EPHX2: variants seen among roughly 807,000 people sequenced by gnomAD.
EPHX2 encodes the protein epoxide hydrolase 2.
EPHX2 carries 74 observed loss-of-function variants against 78.7 expected under a neutral mutation model. The ratio of observed to expected loss-of-function variants is 0.94; its 90% confidence interval spans 0.78 to 1.14. EPHX2 has a LOEUF of 1.14. Ranked by LOEUF, EPHX2 falls within the 50% of genes most tolerant of loss-of-function variation. The pLI is 0.00. For synonymous variants in EPHX2, 251 were observed against 255.2 expected (o/e 0.98, Z 0.16); for missense variants, 715 against 702.5 (o/e 1.02, Z -0.20).
chr8:27,534,971 C>T (rs953679427), intron 12 of EPHX2, among the ~76,000 whole-genome samples: 1 of 152,140 alleles, frequency 6.6e-6, no homozygotes, highest in African/African-American at 2.4e-5. Flanking sequence ...GTGAAGGTCA[C>T]AATGTGTTAA....
At position 27,516,362 on chromosome 8, in the gene EPHX2, G is replaced by A. The variant is rs763618063; in HGVS notation, c.874G>A (p.Asp292Asn). ...GGCAGGTTACCGGGTCCTAGCTATG[G>A]ACATGAAAGGCTATGGAGAGTCATC... ...AQAGYRVLAMDMKGYGESSAP... is the reference protein window; with the variant it reads ...AQAGYRVLAMNMKGYGESSAP... The change falls in exon 8 of 19, where the codon GAC becomes AAC. Residue 292 changes from aspartate (D) to asparagine (N), a missense_variant. Physicochemically the swap from Asp to Asn is conservative, Grantham distance 23. Coordinates refer to ENST00000521400, the MANE Select transcript of EPHX2 (RefSeq NM_001979.6). The A allele has an allele frequency of 1.2e-6, 2 of 1,614,108 alleles. No homozygotes were observed.
rs1376142274 is a variant in EPHX2 at position 27,536,806 on chromosome 8, A to G, written c.1193A>G (p.Glu398Gly). 6 of 1,613,298 alleles carry G rather than the reference A, an allele frequency of 3.7e-6. No homozygotes were observed. Among genetic ancestry groups the G allele is most frequent in the Non-Finnish European group, 5.1e-6 (6 of 1,179,724 alleles). Residue 398 changes from glutamate to glycine, a missense_variant, in exon 13 of 19, where the codon GAA (glutamate) becomes GGA (glycine). Glu to Gly is a moderately conservative substitution (Grantham distance 98). Transcript: ENST00000521400. ...TAGGGAGTGGCTGAGGCTGAACTGG[A>G]ACAGAACCTGAGTCGGACTTTCAAA... Reference protein sequence around the residue: ...QEPGVAEAELEQNLSRTFKSL... With the variant: ...QEPGVAEAELGQNLSRTFKSL...
At chr8:27,525,068 C>CTGTGTGTGTGTGTG (rs56963159) in intron 11 of EPHX2, among the ~76,000 whole-genome samples, 9 of 131,146 alleles carry the variant, frequency 6.9e-5, no homozygotes, top group African/African-American at 2.3e-4. Context: ...AGTATGTGTA[C>CTGTGTGTGTGTGTG]TGTGTGTGTG....
chr8:27,544,080 T>G, intron 17 of EPHX2, 106 bp from the exon 18 acceptor site: 1 of 1,326,352 alleles, frequency 7.5e-7, no homozygotes, highest in Non-Finnish European at 1.1e-6. Flanking sequence ...TTGGGCAGGG[T>G]GGCCTGCGGG....
chr8:27,517,961 GC>G, intron 8 of EPHX2, 76 bp from the exon 9 acceptor site: 1 of 1,211,926 alleles, frequency 8.3e-7, no homozygotes, highest in Non-Finnish European at 1.2e-6. Flanking sequence ...GGTTTTCTTT[GC>G]AAAAAGGTCC....
chr8:27,530,385 A>G (rs577839091), intron 12 of EPHX2, among the ~76,000 whole-genome samples: 2 of 152,354 alleles, frequency 1.3e-5, no homozygotes, highest in East Asian at 3.9e-4. Flanking sequence ...TCAACGAGCT[A>G]CTAATAGCTA....
rs766602982 is a variant in EPHX2, at chr8:27,538,800, C to A, written c.1276+108C>A. ...AAGCCCTGAGCTCTCCAGCTCTGAA[C>A]TTTAAGTTGCCCAACCAGGGTCCCC... On this transcript the variant is annotated intron_variant, in intron 14 of 18. Coordinates refer to ENST00000521400, the MANE Select transcript of EPHX2 (RefSeq NM_001979.6). 108 of 1,322,844 alleles carry A rather than the reference C, an allele frequency of 8.2e-5. 1 individual carries two copies. In the South Asian group the frequency reaches 1.2e-3, roughly 15 times the overall value. The allele number at this position is 1,322,844 out of a possible 1,614,324, so 81.9% of individuals were successfully genotyped here. A position where few individuals can be genotyped will look rare whatever the true frequency, so the allele number is the denominator to read the frequency against.
chr8:27,524,414 C>T (rs1490617274), intron 11 of EPHX2, among the ~76,000 whole-genome samples: 1 of 152,112 alleles, frequency 6.6e-6, no homozygotes, highest in Admixed American at 6.5e-5. Flanking sequence ...GATTAATCAT[C>T]CTGACTGCAA....
chr8:27,496,485 G>A (rs1304151389), intron 1 of EPHX2, among the ~76,000 whole-genome samples: 1 of 152,172 alleles, frequency 6.6e-6, no homozygotes, highest in Non-Finnish European at 1.5e-5. Context: ...CATCCTTGAG[G>A]TCCAGAACAA....
chr8:27,492,601 G>A (rs765110417), intron 1 of EPHX2, among the ~76,000 whole-genome samples: 11 of 152,204 alleles, frequency 7.2e-5, no homozygotes, highest in Non-Finnish European at 1.6e-4. Context: ...AACAGCGAAA[G>A]CACAAAGCTT....
At chr8:27,507,452 G>A (rs1219321788) in intron 5 of EPHX2, among the ~76,000 whole-genome samples, 1 of 152,180 alleles carries the variant, frequency 6.6e-6, no homozygotes, top group Non-Finnish European at 1.5e-5. Flanking sequence ...CAGCCATCAT[G>A]ATGTCCCTGG....
chr8:27,544,447 A>T lies in EPHX2; in HGVS notation c.1593A>T (p.Pro531=). The T allele has an allele frequency of 6.2e-7, 1 of 1,613,752 alleles. No homozygotes were observed. Among genetic ancestry groups the T allele is most frequent in the Non-Finnish European group, 8.5e-7 (1 of 1,179,960 alleles). ...DCGHWTQMDK[P]TEVNQILIKW... is the part of the protein sequence containing the mutation. ...TTTACTTCTCCCTTTCCCCCAGGCCAACCGAGGTGAATCAGATCCTCATTA... is the reference window on the plus strand; with the variant it reads ...TTTACTTCTCCCTTTCCCCCAGGCCTACCGAGGTGAATCAGATCCTCATTA... Residue 531 remains proline, a synonymous_variant, in exon 19 of 19, where the codon CCA becomes CCT. Transcript: ENST00000521400.
Position 27,503,585 on chromosome 8 carries a change from C to T in EPHX2, c.187-19C>T. ...TTCTGAGTGGCCATACAAATTGTCC[C>T]CTCACTTCACTTTGACAGTGGATAC... On this transcript the variant is annotated intron_variant, in intron 2 of 18. Coordinates refer to ENST00000521400, the MANE Select transcript of EPHX2 (RefSeq NM_001979.6). 1 of 1,596,282 alleles carries T rather than the reference C, an allele frequency of 6.3e-7. No individual in the cohort carries two copies. The highest frequency in any genetic ancestry group is 8.5e-7 in the Non-Finnish European group (1 of 1,169,984).
intron 1 of EPHX2, among the ~76,000 whole-genome samples, chr8:27,497,660 C>A (rs1813623023): frequency 6.6e-6 from 1 of 152,174 alleles, no homozygotes; most frequent in South Asian, 2.1e-4. Flanking sequence ...CTTTTAGAAT[C>A]AATTGACCCT....
intron 6 of EPHX2, 89 bp from the exon 7 acceptor site, chr8:27,515,629 A>G: frequency 1.0e-5 from 11 of 1,073,556 alleles, no homozygotes; most frequent in Non-Finnish European, 1.5e-5. Flanking sequence ...AACGGACTGA[A>G]ACGGCCCTGG....
intron 9 of EPHX2, among the ~76,000 whole-genome samples, chr8:27,519,408 C>T (rs1281607466): frequency 6.6e-6 from 1 of 152,208 alleles, no homozygotes; most frequent in Non-Finnish European, 1.5e-5. Context: ...GTGTTGTCCC[C>T]AGGGTGGAAC....
intron 12 of EPHX2, among the ~76,000 whole-genome samples, chr8:27,529,904 GAAAA>G (rs1489566314): frequency 1.4e-5 from 2 of 147,004 alleles, no homozygotes; most frequent in African/African-American, 2.6e-5. Flanking sequence ...AAAAAAAAAA[GAAAA>G]AGAAAAAAGA....
rs1469227928 is a variant in EPHX2, at chr8:27,544,167, G to T, written c.1531-19G>T. 1.9e-6 allele frequency: 3 copies of T among 1,614,066 alleles called. No individual in the cohort carries two copies. Among genetic ancestry groups the T allele is most frequent in the African/African-American group, 1.3e-5 (1 of 75,034 alleles). On this transcript the variant is annotated intron_variant, in intron 17 of 18. Transcript: ENST00000521400. Reference sequence around the variant, plus strand: ...TCTGCCTTCTTCCATTTACCTTTCTGCCTGGGGTTTCCTTTCAGATTCCCC... The same window carrying T: ...TCTGCCTTCTTCCATTTACCTTTCTTCCTGGGGTTTCCTTTCAGATTCCCC...
rs374942548 is a variant in EPHX2 at position 27,516,271 on chromosome 8, C to T, written c.832-49C>T. 2.3e-5 allele frequency: 35 copies of T among 1,535,556 alleles called. No individual in the cohort carries two copies. The African/African-American group carries it at 2.6e-4, about 11-fold the overall frequency. On this transcript the variant is annotated intron_variant, in intron 7 of 18. Coordinates refer to ENST00000521400, the MANE Select transcript of EPHX2 (RefSeq NM_001979.6). ...TGGAGGGAAGCAAAGAGGGAGTATC[C>T]GCCTAGGACTGATGGGACCATGCTG...
Sources: allele counts gnomAD v4.1 joint callset (sites outside exome capture counted in the v4.1 genomes callset), GRCh38; gene constraint gnomAD v4.1.1; transcripts MANE v1.5; gene names NCBI Gene and HGNC (gene_info 2026-07-23, HGNC 2026-07-21).